Variants in CCDC93 observed in about 807,000 individuals in gnomAD.
The protein encoded by CCDC93 is CCC complex scaffolding subunit CCDC93, also known as coiled-coil domain-containing protein 93.
A neutral mutation model predicts 108.2 loss-of-function variants in CCDC93; 61 were observed. The ratio of observed to expected loss-of-function variants is 0.56; its 90% CI spans 0.46 to 0.70. The LOEUF (loss-of-function observed/expected upper bound fraction) is 0.70. CCDC93 is among the 30% of genes least tolerant of loss of function. The probability of loss-of-function intolerance (pLI) is 0.00; values close to 1 mark genes in which losing one functional copy is unlikely to be tolerated. For synonymous variants in CCDC93, 276 were observed against 260.4 expected (o/e 1.06, Z -0.58); for missense variants, 685 against 764.2 (o/e 0.90, Z 1.22).
At chr2:117,992,107 C>G (rs537522282) in intron 6 of CCDC93, among the ~76,000 whole-genome samples, 1 of 152,206 alleles carries the variant, frequency 6.6e-6, no homozygotes, top group Non-Finnish European at 1.5e-5. Context: ...CAACCTTTAG[C>G]CATCCATGAA....
intron 7 of CCDC93, among the ~76,000 whole-genome samples, chr2:117,979,931 G>A (rs146323523): frequency 2.0e-5 from 3 of 152,350 alleles, no homozygotes; most frequent in African/African-American, 7.2e-5. Flanking sequence ...ATATGGAACA[G>A]TTAAAGGAGG....
rs539583303 is a variant in CCDC93 at position 117,991,031 on chromosome 2, G to T, written c.519+4415C>A. Among the ~76,000 whole-genome samples the T allele has an allele frequency of 8.6e-5, 13 of 151,888 alleles. No individual in the cohort carries two copies. In the East Asian group the frequency reaches 2.5e-3, roughly 29 times the overall value. On this transcript the variant is annotated intron_variant, in intron 6 of 23. Coordinates refer to ENST00000376300, the MANE Select transcript of CCDC93 (RefSeq NM_019044.5). ...ACAAAAAATCATGCACCAAAAAAAT[G>T]AATGGGCCACATAACCAAAGATGAA...
rs368777381 is a variant in CCDC93 at position 117,920,367 on chromosome 2, G to A, written c.1872C>T (p.Ser624=). 2.4e-4 allele frequency: 387 copies of A among 1,613,096 alleles called. No homozygotes were observed. The highest frequency in any genetic ancestry group is 3.2e-4 in the Non-Finnish European group (373 of 1,179,366). Residue 624 remains serine (S), a synonymous_variant, in exon 24 of 24, where the codon TCC becomes TCT. Coordinates refer to ENST00000376300, the MANE Select transcript of CCDC93 (RefSeq NM_019044.5). ...TTCAGGAGGCCTTCGCTTTCACCTT[G>A]GACAGCAGCATCTCGTTCTTGCGGC... ...EEGRKNEMLL[S]KVKAKAS
At chr2:118,006,995 C>T (rs1224210918) in intron 2 of CCDC93, among the ~76,000 whole-genome samples, 179 bp from the exon 3 acceptor site, 1 of 151,950 alleles carries the variant, frequency 6.6e-6, no homozygotes, top group Non-Finnish European at 1.5e-5. Flanking sequence ...TCTAAAATGG[C>T]ACCGTTACAG....
intron 23 of CCDC93, among the ~76,000 whole-genome samples, chr2:117,928,164 G>A (rs1004791748): frequency 6.6e-6 from 1 of 152,128 alleles, no homozygotes; most frequent in Non-Finnish European, 1.5e-5. Flanking sequence ...AACCCTAGAA[G>A]AAAACCTAGG....
chr2:117,931,497 T>C, intron 22 of CCDC93: 2 of 249,002 alleles, frequency 8.0e-6, no homozygotes. Flanking sequence ...CTGCGAGAAG[T>C]GGGTGCTACT....
chr2:118,001,276 G>A (rs577295280), intron 3 of CCDC93: 5 of 172,950 alleles, frequency 2.9e-5, no homozygotes, highest in South Asian at 3.3e-4. Flanking sequence ...TTAGTGCCCC[G>A]TATTCTTTTT....
rs1678311702 is a variant in CCDC93 at position 117,931,097 on chromosome 2, C to T, written c.1782G>A (p.Gln594=). 2 of 1,614,050 alleles carry T rather than the reference C, an allele frequency of 1.2e-6. No individual in the cohort carries two copies. The highest frequency in any genetic ancestry group is 1.7e-6 in the Non-Finnish European group (2 of 1,179,926). The change falls in exon 23 of 24, where the codon CAG becomes CAA. Residue 594 remains glutamine, a synonymous_variant. Coordinates refer to ENST00000376300, the MANE Select transcript of CCDC93 (RefSeq NM_019044.5). ...TCTGCTTTTCTAACAGCTCCAAGTA[C>T]TGGTCGTTCAACTGGTCTCTTCTCA... ...NKMRRDQLND[Q]YLELLEKQRL...
chr2:117,989,669 T>C (rs1680418795), intron 6 of CCDC93, among the ~76,000 whole-genome samples: 1 of 152,228 alleles, frequency 6.6e-6, no homozygotes, highest in East Asian at 1.9e-4. Context: ...TGAGGCAAGT[T>C]ACTTTAACCT....
At chr2:117,982,790 G>A (rs1214760547) in intron 7 of CCDC93, among the ~76,000 whole-genome samples, 2 of 151,552 alleles carry the variant, frequency 1.3e-5, no homozygotes, top group Admixed American at 6.6e-5. Flanking sequence ...CAGGAATGCC[G>A]CAATGTTAAA....
At position 117,920,909 on chromosome 2, in the gene CCDC93, C is replaced by T. The variant is rs1389267944; in HGVS notation, c.1843-513G>A. 2.0e-5 allele frequency among the ~76,000 whole-genome samples: 3 copies of T among 152,242 alleles called. No homozygotes were observed. In the East Asian group the frequency reaches 5.8e-4, roughly 29 times the overall value. Reference sequence around the variant, plus strand: ...TTCATCAAGAGATAATGGGGCCGGGCGCAGTGGCTCATGCCTGTAATCCCA... The same window carrying T: ...TTCATCAAGAGATAATGGGGCCGGGTGCAGTGGCTCATGCCTGTAATCCCA... On this transcript the variant is annotated intron_variant, in intron 23 of 23. Transcript: ENST00000376300.
chr2:117,974,092 G>C, intron 10 of CCDC93, 98 bp from the exon 11 acceptor site: 1 of 796,262 alleles, frequency 1.3e-6, no homozygotes, highest in Non-Finnish European at 2.2e-6. Flanking sequence ...CTCTATTATG[G>C]TAAAACATAA....
chr2:118,000,722 A>C, intron 4 of CCDC93, 99 bp downstream of exon 4: 1 of 715,722 alleles, frequency 1.4e-6, no homozygotes, highest in Non-Finnish European at 2.4e-6. Flanking sequence ...CACCCATTAC[A>C]TTCAGGATCC....
rs368343748 is a variant in CCDC93, at chr2:117,916,923, G to GATT, written c.*3419_*3420insAAT. ...CTTTCCTTGGCAATCCCAACCATGGGGACAGATGATGGCATCCATCCTATG... is the reference window on the plus strand; with the variant it reads ...CTTTCCTTGGCAATCCCAACCATGGGATTGACAGATGATGGCATCCATCCTATG... On this transcript the variant is annotated 3_prime_UTR_variant, in exon 24 of 24. Coordinates refer to ENST00000376300, the MANE Select transcript of CCDC93 (RefSeq NM_019044.5). 18 of 152,296 alleles carry GATT rather than the reference G, an allele frequency of 1.2e-4. No individual in the cohort carries two copies. The highest frequency in any genetic ancestry group is 3.9e-4 in the African/African-American group (16 of 41,556). The allele number at this position is 152,296 out of a possible 1,614,324, so 9.4% of individuals were successfully genotyped here.
Position 118,013,935 on chromosome 2 carries a change from A to C in CCDC93, c.42+19T>G, listed in dbSNP as rs1677090082. 3 of 1,568,160 alleles carry C rather than the reference A, an allele frequency of 1.9e-6. No individual in the cohort carries two copies. Among genetic ancestry groups the C allele is most frequent in the South Asian group, 1.2e-5 (1 of 84,780 alleles). On this transcript the variant is annotated intron_variant, in intron 1 of 23. Coordinates refer to ENST00000376300, the MANE Select transcript of CCDC93 (RefSeq NM_019044.5). ...CTTCAGGAACCCCGACGTGTCAGGG[A>C]AGGAGGAGGCGTTCTTACCTCCGGG...
At chr2:117,965,630 A>G (rs972854469) in intron 11 of CCDC93, among the ~76,000 whole-genome samples, 1 of 152,228 alleles carries the variant, frequency 6.6e-6, no homozygotes. Flanking sequence ...CAAACCTAGT[A>G]GCACCCGGCA....
intron 23 of CCDC93, among the ~76,000 whole-genome samples, chr2:117,926,531 A>C (rs1678108896): frequency 6.6e-6 from 1 of 152,222 alleles, no homozygotes; most frequent in Admixed American, 6.5e-5. Context: ...GAAATGGATA[A>C]ATTCCTGGAC....
In CCDC93 at chr2:117,973,963, A is replaced by G. The variant is rs374241278; in HGVS notation, c.833T>C (p.Ile278Thr). The G allele has an allele frequency of 1.2e-5, 20 of 1,612,150 alleles. No homozygotes were observed. The highest frequency in any genetic ancestry group is 1.7e-5 in the Admixed American group (1 of 59,804). Residue 278 changes from isoleucine (I) to threonine (T), a missense_variant, in exon 11 of 24, where the codon ATT becomes ACT. Transcript: ENST00000376300. ...SRLTASSVGQ[I>T]VGLCSAEIKQ... ...GATCTCAGCAGAGCAGAGTCCCACA[A>G]TCTGGCCCACGGAGCTTGCGGTGAG...
At position 117,939,114 on chromosome 2, in the gene CCDC93, G is replaced by A; in HGVS notation, c.1523-3C>T. On this transcript the variant is annotated splice_polypyrimidine_tract_variant and splice_region_variant and intron_variant, in intron 19 of 23. Coordinates refer to ENST00000376300, the MANE Select transcript of CCDC93 (RefSeq NM_019044.5). ...GGTTTCTTTGTGCACTGCTGAAACTGTAAAAGTAAAGAAATCAGCACACGA... is the reference window on the plus strand; with the variant it reads ...GGTTTCTTTGTGCACTGCTGAAACTATAAAAGTAAAGAAATCAGCACACGA... 1.3e-6 allele frequency: 2 copies of A among 1,579,960 alleles called. No individual in the cohort carries two copies. Among genetic ancestry groups the A allele is most frequent in the Non-Finnish European group, 1.7e-6 (2 of 1,150,044 alleles).
Sources: gnomAD v4.1 joint callset for allele counts (sites outside exome capture counted in the v4.1 genomes callset) on GRCh38, gnomAD v4.1.1 for gene constraint, MANE v1.5 for transcripts, NCBI Gene and HGNC (gene_info 2026-07-23, HGNC 2026-07-21) for gene names.